TLK2: variants seen among roughly 807,000 people sequenced by gnomAD.
TLK2 encodes the protein tousled like kinase 2.
A neutral mutation model predicts 117.3 loss-of-function variants in TLK2; 6 were observed. That is an observed-to-expected ratio of 0.05 (90% CI 0.03 to 0.10). The LOEUF (loss-of-function observed/expected upper bound fraction) is 0.10, where lower values mean the gene tolerates loss of function less well. Among genes scored for constraint, TLK2 ranks in the 10% least tolerant of loss-of-function variants. TLK2 has a pLI of 1.00. For missense variants in TLK2, 299 were observed against 901.2 expected (o/e 0.33, Z 8.56); for synonymous variants, 257 against 316.7 (o/e 0.81, Z 2.00).
At chr17:62,512,075 G>A (rs1460041138) in intron 2 of TLK2, among the ~76,000 whole-genome samples, 3 of 152,208 alleles carry the variant, frequency 2.0e-5, no homozygotes, top group Middle Eastern at 3.4e-3. Context: ...AGTGTTTAGC[G>A]TTGTTGCTAT....
chr17:62,602,286 G>T, intron 19 of TLK2, 106 bp downstream of exon 19: 1 of 1,214,278 alleles, frequency 8.2e-7, no homozygotes, highest in Non-Finnish European at 1.1e-6. Flanking sequence ...AGGCAAAAAT[G>T]CCATAAACCA....
In TLK2 at chr17:62,586,161, C is replaced by A; in HGVS notation, c.1395C>A (p.Tyr465Ter). ...YKAFDLTEQRYVAVKIHQLNK... is the reference protein window; with the variant it reads ...YKAFDLTEQR ...CATTTGATCTAACAGAGCAAAGATA[C>A]GTAGCTGTGAAAATTCACCAGTTAA... is the stretch of plus-strand genomic sequence containing the variant. Residue 465 changes from tyrosine (Y) to a stop codon, truncating the protein, a stop_gained, in exon 16 of 22, where the codon TAC (tyrosine) becomes TAA (stop). Coordinates refer to ENST00000346027, the MANE Select transcript of TLK2 (RefSeq NM_006852.6). LOFTEE classifies it high-confidence loss of function. The A allele has an allele frequency of 6.2e-7, 1 of 1,613,344 alleles. No homozygotes were observed. Among genetic ancestry groups the A allele is most frequent in the Non-Finnish European group, 8.5e-7 (1 of 1,179,610 alleles).
chr17:62,540,000 C>T (rs962733953), intron 7 of TLK2, among the ~76,000 whole-genome samples: 7 of 152,056 alleles, frequency 4.6e-5, no homozygotes, highest in African/African-American at 1.7e-4. Flanking sequence ...TGTTCCCCAC[C>T]CGAAACCCAT....
At chr17:62,497,496 C>A (rs2073814732) in intron 2 of TLK2, among the ~76,000 whole-genome samples, 1 of 152,146 alleles carries the variant, frequency 6.6e-6, no homozygotes, top group African/African-American at 2.4e-5. Context: ...GTTATTCCTC[C>A]CACTCTTGAG....
intron 7 of TLK2, among the ~76,000 whole-genome samples, chr17:62,545,387 C>T (rs996615139): frequency 3.9e-5 from 6 of 152,110 alleles, no homozygotes; most frequent in African/African-American, 1.2e-4. Flanking sequence ...AAGGTATCAT[C>T]CAGTTTTTCT....
chr17:62,495,239 C>T (rs1243783353), intron 2 of TLK2, among the ~76,000 whole-genome samples: 2 of 151,938 alleles, frequency 1.3e-5, no homozygotes, highest in Non-Finnish European at 2.9e-5. Context: ...GAGCCAAGAT[C>T]ACACCATTGC....
At chr17:62,484,558 G>A (rs1391288920) in intron 2 of TLK2, among the ~76,000 whole-genome samples, 4 of 151,128 alleles carry the variant, frequency 2.6e-5, no homozygotes, top group Non-Finnish European at 4.4e-5. Flanking sequence ...TCAGCCTCCC[G>A]AAGTGCTGGG....
At chr17:62,603,970 CTTTA>C (rs66748805) in intron 19 of TLK2, among the ~76,000 whole-genome samples, 55,679 of 140,932 alleles carry the variant, frequency 0.4, 11,885 homozygotes, top group East Asian at 0.53. Flanking sequence ...ACATTGAATA[CTTTA>C]TTTATTTATT....
intron 15 of TLK2, among the ~76,000 whole-genome samples, chr17:62,582,882 C>T (rs762748720): frequency 1.1e-4 from 17 of 152,290 alleles, no homozygotes; most frequent in Middle Eastern, 3.4e-3. Flanking sequence ...ACTCATACTA[C>T]GTCTTTTTAT....
At chr17:62,586,055 T>A in intron 15 of TLK2, 80 bp from the exon 16 acceptor site, 1 of 1,035,590 alleles carries the variant, frequency 9.7e-7, no homozygotes. Context: ...GATTATGTTA[T>A]ATGTTAAATT....
intron 2 of TLK2, among the ~76,000 whole-genome samples, chr17:62,499,343 A>G (rs1432591892): frequency 3.3e-5 from 5 of 151,678 alleles, no homozygotes; most frequent in Non-Finnish European, 7.4e-5. Context: ...CACAAACAAA[A>G]AAAAAAGGAC....
At position 62,580,016 on chromosome 17, in the gene TLK2, T is replaced by G. The variant is rs114559969; in HGVS notation, c.1287-95T>G. The G allele has an allele frequency of 5.0e-5, 43 of 853,940 alleles. No individual in the cohort carries two copies. In the African/African-American group the frequency reaches 6.7e-4, roughly 13 times the overall value. The allele number at this position is 853,940 out of a possible 1,614,324, so 52.9% of individuals were successfully genotyped here. On this transcript the variant is annotated intron_variant, in intron 14 of 21. Transcript: ENST00000346027. ...TCAAACTACCAACAGCAGCTATAAT[T>G]ATATGTATAATGTGTTAGATATTCT...
In TLK2 at chr17:62,525,018, G is replaced by A. The variant is rs546001430; in HGVS notation, c.363+687G>A. ...TGGTCCAAAATATCAGTGGTGCCAA[G>A]GTTGAGAATTCCTGAGTAAGCTAAC... On this transcript the variant is annotated intron_variant, in intron 6 of 21. Coordinates refer to ENST00000346027, the MANE Select transcript of TLK2 (RefSeq NM_006852.6). Among the ~76,000 whole-genome samples the A allele has an allele frequency of 2.0e-5, 3 of 152,300 alleles. No individual in the cohort carries two copies. In the South Asian group the frequency reaches 6.2e-4, roughly 32 times the overall value.
intron 21 of TLK2, among the ~76,000 whole-genome samples, chr17:62,608,456 C>T (rs975213956): frequency 6.6e-6 from 1 of 152,044 alleles, no homozygotes; most frequent in Non-Finnish European, 1.5e-5. Flanking sequence ...GTGGATGTCA[C>T]GAAAGATACC....
At chr17:62,486,942 A>G (rs376256572) in intron 2 of TLK2, among the ~76,000 whole-genome samples, 7 of 152,362 alleles carry the variant, frequency 4.6e-5, no homozygotes, top group South Asian at 4.1e-4. Context: ...TCATTTTACA[A>G]TAACTTACAC....
At position 62,565,185 on chromosome 17, in the gene TLK2, A is replaced by AT. The variant is rs2079651628; in HGVS notation, c.968+54dup. On this transcript the variant is annotated intron_variant, in intron 11 of 21. Transcript: ENST00000346027. ...ATGGAGAATTGAAAAGTTCGTTTGC[A>AT]TTTTTTAGGTTTTCTGTAATTGTAG... The AT allele has an allele frequency of 4.5e-6, 7 of 1,571,406 alleles. 1 individual carries two copies. In the South Asian group the frequency reaches 7.1e-5, roughly 16 times the overall value.
At chr17:62,589,642 CCTGTGTTTT>C (rs1314568677) in intron 16 of TLK2, among the ~76,000 whole-genome samples, 1 of 152,094 alleles carries the variant, frequency 6.6e-6, no homozygotes, top group Non-Finnish European at 1.5e-5. Context: ...CCTTTTGTTT[CCTGTGTTTT>C]CTGTACCTCA....
intron 16 of TLK2, among the ~76,000 whole-genome samples, chr17:62,588,483 A>G (rs142416818): frequency 8.5e-5 from 13 of 152,264 alleles, no homozygotes; most frequent in African/African-American, 2.9e-4. Flanking sequence ...TTTCCATTCA[A>G]GTTCCAGGCT....
At chr17:62,600,879 T>C (rs895651495) in intron 18 of TLK2, 59 bp downstream of exon 18, 53 of 1,451,302 alleles carry the variant, frequency 3.7e-5, no homozygotes, top group Non-Finnish European at 4.7e-5. Flanking sequence ...ATAAGTGACT[T>C]TTAATTTGAT....
Sources: gnomAD v4.1 joint callset for allele counts (sites outside exome capture counted in the v4.1 genomes callset) on GRCh38, gnomAD v4.1.1 for gene constraint, MANE v1.5 for transcripts, NCBI Gene and HGNC (gene_info 2026-07-23, HGNC 2026-07-21) for gene names.